HAVCR1: variants seen among roughly 807,000 people sequenced by gnomAD.
HAVCR1 encodes hepatitis A virus cellular receptor 1.
In HAVCR1, 34 loss-of-function variants were observed where a neutral mutation model predicts 32.0. The observed-to-expected ratio is 1.06, with a 90% CI of 0.81 to 1.42. The LOEUF is 1.42. HAVCR1 is among the 40% of genes most tolerant of loss of function. The pLI, the probability that HAVCR1 is intolerant of heterozygous loss-of-function variation, is 0.00. For missense variants in HAVCR1, 420 were observed against 442.3 expected, an observed-to-expected ratio of 0.95 and a Z score of 0.45; for synonymous variants, 178 against 170.3, an observed-to-expected ratio of 1.05 and a Z score of -0.35.
intron 1 of HAVCR1, 25 bp from the exon 2 acceptor site, chr5:157,057,980 TG>T: frequency 6.4e-7 from 1 of 1,554,748 alleles, no homozygotes; most frequent in Non-Finnish European, 8.9e-7. Context: ...GCAGACAGGC[TG>T]GTTGGTACCC....
intron 1 of HAVCR1, chr5:157,058,291 C>T (rs114680098): frequency 0.012 from 2,492 of 201,626 alleles, 26 homozygotes; most frequent in Non-Finnish European, 0.019. Context: ...GGGCCGGGCG[C>T]GGTGGCTCAA....
At chr5:157,035,636 G>C (rs764670627) in intron 7 of HAVCR1, among the ~76,000 whole-genome samples, 4 of 152,012 alleles carry the variant, frequency 2.6e-5, no homozygotes, top group Admixed American at 6.6e-5. Context: ...AAAAAAATTA[G>C]ATCTTGTAGG....
At chr5:157,066,738 G>A in the HAVCR1 span, among the ~76,000 whole-genome samples, 28 of 152,252 alleles carry the variant, frequency 1.8e-4, no homozygotes, top group Non-Finnish European at 2.1e-4. Context: ...GGGCACATAT[G>A]TCTGGGGAAA....
chr5:157,054,017 CA>C (rs1179147098), intron 3 of HAVCR1, among the ~76,000 whole-genome samples: 1 of 148,968 alleles, frequency 6.7e-6, no homozygotes, highest in Non-Finnish European at 1.5e-5. Context: ...CATATCTCTA[CA>C]AAAAAAATTT....
chr5:157,069,139 C>T, the HAVCR1 span, among the ~76,000 whole-genome samples: 5 of 152,200 alleles, frequency 3.3e-5, no homozygotes, highest in Admixed American at 1.3e-4. Context: ...ACTAAACTTG[C>T]CCAGGCAAAG....
chr5:157,044,578 A>G lies in HAVCR1; in HGVS notation c.782-1896T>C, dbSNP rs78792453. Among the ~76,000 whole-genome samples the G allele has an allele frequency of 2.0e-3, 188 of 95,874 alleles. 6 individuals are homozygous for G. Among genetic ancestry groups the G allele is most frequent in the African/African-American group, 8.5e-3 (184 of 21,580 alleles). The allele number at this position is 95,874 out of a possible 152,430, so 62.9% of individuals were successfully genotyped here. ...AGGAAGGAGAGAGAAAGAAAGACAA[A>G]GAAAGAAGGAAAGAAAGAAAGAAAG... On this transcript the variant is annotated intron_variant, in intron 5 of 8. Transcript: ENST00000523175.
At chr5:157,045,349 G>A (rs1451081668) in intron 5 of HAVCR1, among the ~76,000 whole-genome samples, 1 of 152,050 alleles carries the variant, frequency 6.6e-6, no homozygotes, top group Non-Finnish European at 1.5e-5. Flanking sequence ...ATAGTACACA[G>A]CCCATCAAGT....
chr5:157,050,745 A>C (rs547598154), intron 4 of HAVCR1, among the ~76,000 whole-genome samples: 14 of 152,218 alleles, frequency 9.2e-5, no homozygotes, highest in African/African-American at 3.4e-4. Context: ...AAAGTCTAAC[A>C]GACTCTCTAG....
At chr5:157,052,096 C>T (rs886859674) in intron 4 of HAVCR1, among the ~76,000 whole-genome samples, 5 of 152,174 alleles carry the variant, frequency 3.3e-5, no homozygotes, top group Admixed American at 6.5e-5. Context: ...GTTCTACATC[C>T]GTGGTCCAGC....
intron 7 of HAVCR1, 93 bp downstream of exon 7, chr5:157,037,154 G>A (rs2113505723): frequency 2.7e-6 from 2 of 754,616 alleles, no homozygotes; most frequent in Middle Eastern, 2.4e-4. Flanking sequence ...GAAGTCGTGT[G>A]AAATCAAAAT....
intron 1 of HAVCR1, 76 bp from the exon 2 acceptor site, chr5:157,058,031 T>A (rs1178598769): frequency 9.8e-7 from 1 of 1,019,694 alleles, no homozygotes; most frequent in Admixed American, 1.8e-5. Flanking sequence ...AATCTCAGAT[T>A]GCAACTTATC....
At chr5:157,035,158 T>C (rs1240194908) in intron 7 of HAVCR1, among the ~76,000 whole-genome samples, 3 of 152,162 alleles carry the variant, frequency 2.0e-5, no homozygotes, top group Admixed American at 2.0e-4. Context: ...CATTTTCTCC[T>C]GTTAATCTCC....
At chr5:157,039,673 A>G (rs557930589) in intron 6 of HAVCR1, among the ~76,000 whole-genome samples, 5 of 152,342 alleles carry the variant, frequency 3.3e-5, no homozygotes, top group African/African-American at 9.6e-5. Context: ...TTACGGCAAT[A>G]CGTGCACATG....
At chr5:157,044,615 G>GAAAGAGAACGAA (rs760337335) in intron 5 of HAVCR1, among the ~76,000 whole-genome samples, 1 of 52,658 alleles carries the variant, frequency 1.9e-5, no homozygotes, top group Admixed American at 2.5e-4. Context: ...AAGAAAGAAA[G>GAAAGAGAACGAA]AGAAAGAAAG....
rs117870988 is a variant in HAVCR1, at chr5:157,046,078, T to G, written c.781+2960A>C. ...AGGATTACACTTTCAAAACGAAATGTCGCCATTATCTAATCCCAGTTGAAT... is the reference window on the plus strand; with the variant it reads ...AGGATTACACTTTCAAAACGAAATGGCGCCATTATCTAATCCCAGTTGAAT... On this transcript the variant is annotated intron_variant, in intron 5 of 8. Transcript: ENST00000523175. 7.2e-5 allele frequency among the ~76,000 whole-genome samples: 11 copies of G among 152,340 alleles called. No homozygotes were observed. The East Asian group carries it at 2.1e-3, about 29-fold the overall frequency.
intron 5 of HAVCR1, 22 bp from the exon 6 acceptor site, chr5:157,042,704 T>C: frequency 7.1e-7 from 1 of 1,402,532 alleles, no homozygotes. Context: ...GAAGGAAATT[T>C]AATTAGAATT....
At chr5:157,055,109 G>T in intron 3 of HAVCR1, 92 bp downstream of exon 3, 2 of 668,020 alleles carry the variant, frequency 3.0e-6, no homozygotes, top group South Asian at 2.1e-5. Context: ...CAGGACTTAC[G>T]GGAACCTCCT....
intron 2 of HAVCR1, among the ~76,000 whole-genome samples, chr5:157,057,476 G>C (rs1195387774): frequency 6.7e-6 from 1 of 149,674 alleles, no homozygotes; most frequent in Non-Finnish European, 1.5e-5. Context: ...AATTGAATGT[G>C]GCTGAAAAAA....
intron 6 of HAVCR1, among the ~76,000 whole-genome samples, chr5:157,040,230 G>A (rs551485328): frequency 5.9e-5 from 9 of 152,018 alleles, no homozygotes; most frequent in Non-Finnish European, 1.2e-4. Flanking sequence ...CCTGGGAGGC[G>A]GAGGTTGCAG....
Sources: gnomAD v4.1 joint callset for allele counts (sites outside exome capture counted in the v4.1 genomes callset) on GRCh38, gnomAD v4.1.1 for gene constraint, MANE v1.5 for transcripts, NCBI Gene and HGNC (gene_info 2026-07-23, HGNC 2026-07-21) for gene names.